Variants in PHF24 observed in about 807,000 individuals in gnomAD.
PHF24 encodes Galpha inhibitory interacting protein.
Under a neutral mutation model 42.6 loss-of-function variants are expected in PHF24, and 25 were observed. The observed-to-expected ratio is 0.59, with a 90% CI of 0.43 to 0.82. The LOEUF is 0.82. PHF24 is among the 40% of genes least tolerant of loss of function. PHF24 has a pLI of 0.00. For missense variants in PHF24, 470 were observed against 538.1 expected, an observed-to-expected ratio of 0.87 and a Z score of 1.25; for synonymous variants, 185 against 204.8, an observed-to-expected ratio of 0.90 and a Z score of 0.83.
chr9:34,951,484 A>G, the PHF24 span, among the ~76,000 whole-genome samples: 1 of 152,210 alleles, frequency 6.6e-6, no homozygotes, highest in Non-Finnish European at 1.5e-5. Flanking sequence ...GAGTGATGTG[A>G]TGTGAGAAAG....
intron 1 of PHF24, among the ~76,000 whole-genome samples, chr9:34,971,091 A>G (rs764369603): frequency 8.5e-5 from 13 of 152,100 alleles, no homozygotes; most frequent in Non-Finnish European, 1.5e-4. Flanking sequence ...TCTCTAATAA[A>G]TAAATTAAAT....
the PHF24 span, among the ~76,000 whole-genome samples, chr9:34,946,434 A>G: frequency 2.0e-5 from 3 of 152,270 alleles, no homozygotes; most frequent in African/African-American, 7.2e-5. Context: ...GATTGACACT[A>G]TTTCTCTTGT....
chr9:34,879,292 G>A, the PHF24 span, among the ~76,000 whole-genome samples: 21 of 152,128 alleles, frequency 1.4e-4, no homozygotes, highest in African/African-American at 4.6e-4. Context: ...CTAAAAATCA[G>A]AGCACCCCTT....
the PHF24 span, among the ~76,000 whole-genome samples, chr9:34,854,188 GTCTA>G: frequency 0.28 from 20,343 of 71,624 alleles, 1,643 homozygotes; most frequent in East Asian, 0.46. Context: ...CTAGCTAGCA[GTCTA>G]TCTATTTTTT....
At chr9:34,924,290 T>C in the PHF24 span, among the ~76,000 whole-genome samples, 9 of 152,098 alleles carry the variant, frequency 5.9e-5, no homozygotes, top group African/African-American at 2.2e-4. Flanking sequence ...TTGGATGAAA[T>C]GTTCTGTAAA....
At chr9:34,783,564 A>C in the PHF24 span, among the ~76,000 whole-genome samples, 1 of 152,196 alleles carries the variant, frequency 6.6e-6, no homozygotes, top group Non-Finnish European at 1.5e-5. Flanking sequence ...ACTAGACTTC[A>C]AAATCTGAAT....
At chr9:34,823,652 G>A in the PHF24 span, among the ~76,000 whole-genome samples, 1 of 152,084 alleles carries the variant, frequency 6.6e-6, no homozygotes, top group Non-Finnish European at 1.5e-5. Context: ...AAGGAAAGGG[G>A]GGAAGCTTTG....
the PHF24 span, among the ~76,000 whole-genome samples, chr9:34,895,275 G>A: frequency 5.9e-5 from 9 of 151,774 alleles, no homozygotes; most frequent in Non-Finnish European, 8.8e-5. Flanking sequence ...TCACTTTCAC[G>A]CTCTTCCATA....
chr9:34,687,065 G>A, the PHF24 span, among the ~76,000 whole-genome samples: 1 of 151,968 alleles, frequency 6.6e-6, no homozygotes, highest in Non-Finnish European at 1.5e-5. Flanking sequence ...GTTGGGGGGT[G>A]GGAAAAAGAG....
At chr9:34,823,263 T>A in the PHF24 span, among the ~76,000 whole-genome samples, 2 of 142,772 alleles carry the variant, frequency 1.4e-5, no homozygotes, top group African/African-American at 5.1e-5. Context: ...GGTGCTCACC[T>A]AGGGAAGGGA....
the PHF24 span, among the ~76,000 whole-genome samples, chr9:34,804,961 T>C: frequency 3.3e-5 from 5 of 152,238 alleles, no homozygotes; most frequent in African/African-American, 1.2e-4. Context: ...TGGAATCATA[T>C]AGTATACTAT....
At chr9:34,908,255 A>G in the PHF24 span, among the ~76,000 whole-genome samples, 1 of 152,166 alleles carries the variant, frequency 6.6e-6, no homozygotes, top group East Asian at 1.9e-4. Flanking sequence ...TGTTGTAAGG[A>G]TATTTTAGGC....
chr9:34,827,689 G>T, the PHF24 span, among the ~76,000 whole-genome samples: 5 of 152,118 alleles, frequency 3.3e-5, no homozygotes, highest in Non-Finnish European at 5.9e-5. Context: ...CTCTGTGGTA[G>T]GTCAGAAGGG....
the PHF24 span, among the ~76,000 whole-genome samples, chr9:34,779,891 A>G: frequency 6.6e-6 from 1 of 152,036 alleles, no homozygotes; most frequent in Non-Finnish European, 1.5e-5. Flanking sequence ...ACGCCCCGCT[A>G]ATTTTTGTAT....
chr9:34,934,246 T>C, the PHF24 span, among the ~76,000 whole-genome samples: 2 of 152,292 alleles, frequency 1.3e-5, no homozygotes, highest in South Asian at 2.1e-4. Flanking sequence ...AACAAACATG[T>C]AGTAACATTG....
At chr9:34,917,839 G>A in the PHF24 span, 48 of 1,489,960 alleles carry the variant, frequency 3.2e-5, no homozygotes, top group Admixed American at 3.8e-4. Flanking sequence ...TGGGTGGCTC[G>A]TTTCATCTTG....
At chr9:34,738,680 C>T in the PHF24 span, among the ~76,000 whole-genome samples, 3 of 152,140 alleles carry the variant, frequency 2.0e-5, no homozygotes, top group Admixed American at 6.5e-5. Flanking sequence ...GACATGGGAC[C>T]CAGTTCTGAC....
chr9:34,853,424 T>G, the PHF24 span, among the ~76,000 whole-genome samples: 1 of 152,168 alleles, frequency 6.6e-6, no homozygotes, highest in Non-Finnish European at 1.5e-5. Flanking sequence ...TAAAGTTTTC[T>G]TTTTTTGTTT....
chr9:34,773,426 TA>T, the PHF24 span, among the ~76,000 whole-genome samples: 334 of 141,182 alleles, frequency 2.4e-3, 1 homozygote, highest in Admixed American at 6.5e-3. Context: ...AAACAAGTGC[TA>T]AAAAAAAAAA....
Sources: allele counts gnomAD v4.1 joint callset (sites outside exome capture counted in the v4.1 genomes callset), GRCh38; gene constraint gnomAD v4.1.1; transcripts MANE v1.5; gene names NCBI Gene and HGNC (gene_info 2026-07-23, HGNC 2026-07-21).